The following ELL variants were observed in gnomAD, a reference collection of about 807,000 sequenced individuals.
ELL encodes the protein RNA polymerase II elongation factor ELL.
ELL carries 18 observed loss-of-function variants against 64.0 expected under a neutral mutation model. The ratio of observed to expected loss-of-function variants is 0.28; its 90% CI spans 0.19 to 0.42. The LOEUF (loss-of-function observed/expected upper bound fraction) is 0.42, where lower values mean the gene tolerates loss of function less well. Ranked by LOEUF, ELL falls within the 10% of genes least tolerant of loss-of-function variation. The probability of loss-of-function intolerance (pLI) is 1.00; values close to 1 mark genes in which losing one functional copy is unlikely to be tolerated. For synonymous variants in ELL, 399 were observed against 376.2 expected (o/e 1.06, Z -0.70); for missense variants, 797 against 870.4 (o/e 0.92, Z 1.06).
chr19:18,510,860 A>G (rs10418331), intron 1 of ELL, among the ~76,000 whole-genome samples: 48,461 of 151,990 alleles, frequency 0.32, 9,664 homozygotes, highest in African/African-American at 0.57. Context: ...AGTGTCTCAC[A>G]CCTCTAATCC....
At chr19:18,494,144 T>C (rs1975594094) in intron 1 of ELL, among the ~76,000 whole-genome samples, 1 of 152,086 alleles carries the variant, frequency 6.6e-6, no homozygotes, top group Non-Finnish European at 1.5e-5. Flanking sequence ...GGAGGATCGT[T>C]TGAGCCCAGG....
chr19:18,492,593 C>T (rs1030228170), intron 1 of ELL, among the ~76,000 whole-genome samples: 1 of 152,202 alleles, frequency 6.6e-6, no homozygotes, highest in Admixed American at 6.5e-5. Context: ...TTAAAAGAGT[C>T]AATCTGTTAC....
Position 18,442,676 on chromosome 19 carries a change from AATTT to A in ELL, c.*2072_*2075del, listed in dbSNP as rs1974319935. The A allele has an allele frequency of 5.4e-6, 1 of 185,480 alleles. No homozygotes were observed. The highest frequency in any genetic ancestry group is 1.1e-5 in the Non-Finnish European group (1 of 87,790). 11.5% of individuals were successfully genotyped at this position (185,480 alleles called of 1,614,324 possible). On this transcript the variant is annotated 3_prime_UTR_variant, in exon 12 of 12. Transcript: ENST00000262809. The stretch of plus-strand genomic sequence containing the variant: ...TGGGCTGCCAGGTTCAGTTCAGTGA[AATTT>A]ATTGGAGAATGAAAAAAGTCAGCAT...
chr19:18,480,877 G>A (rs1007084427), intron 1 of ELL, among the ~76,000 whole-genome samples: 4 of 152,176 alleles, frequency 2.6e-5, no homozygotes, highest in Non-Finnish European at 5.9e-5. Flanking sequence ...CAAGCAACTC[G>A]ACAGACTCAG....
intron 4 of ELL, 123 bp downstream of exon 4, chr19:18,465,289 C>T: frequency 7.3e-7 from 1 of 1,362,500 alleles, no homozygotes; most frequent in South Asian, 1.5e-5. Context: ...GGGACCGACT[C>T]CTCGGTTGAC....
At chr19:18,462,982 A>G (rs1974858652) in intron 4 of ELL, among the ~76,000 whole-genome samples, 1 of 152,190 alleles carries the variant, frequency 6.6e-6, no homozygotes, top group Non-Finnish European at 1.5e-5. Context: ...AGACGTGGGC[A>G]GGGTCCAGCA....
chr19:18,447,387 T>C (rs1041069960), intron 8 of ELL, among the ~76,000 whole-genome samples: 3 of 152,240 alleles, frequency 2.0e-5, no homozygotes, highest in Admixed American at 6.5e-5. Flanking sequence ...ATCCCGTCCT[T>C]TCCACTAGAC....
intron 1 of ELL, among the ~76,000 whole-genome samples, chr19:18,487,030 C>T (rs1016135977): frequency 9.2e-5 from 14 of 152,352 alleles, no homozygotes; most frequent in African/African-American, 3.1e-4. Context: ...ACCTCCGATG[C>T]TTCCACCACC....
At chr19:18,495,567 C>A (rs1450042544) in intron 1 of ELL, among the ~76,000 whole-genome samples, 1 of 152,150 alleles carries the variant, frequency 6.6e-6, no homozygotes, top group Non-Finnish European at 1.5e-5. Flanking sequence ...GGGTGCCCAG[C>A]TCCCACTGCA....
chr19:18,487,558 G>C (rs1227428724), intron 1 of ELL, among the ~76,000 whole-genome samples: 6 of 152,218 alleles, frequency 3.9e-5, no homozygotes, highest in African/African-American at 1.2e-4. Flanking sequence ...AACCTGATGT[G>C]GCCACGGCCA....
At position 18,443,225 on chromosome 19, in the gene ELL, A is replaced by G. The variant is rs1025658368; in HGVS notation, c.*1527T>C. Reference sequence around the variant, plus strand: ...CCGGCCCGGCCCAAAGAGAAAAACAACAACAGCTATTGAAACATGAAGGAT... The same window carrying G: ...CCGGCCCGGCCCAAAGAGAAAAACAGCAACAGCTATTGAAACATGAAGGAT... On this transcript the variant is annotated 3_prime_UTR_variant, in exon 12 of 12. Coordinates refer to ENST00000262809, the MANE Select transcript of ELL (RefSeq NM_006532.4). The G allele has an allele frequency of 5.6e-5, 13 of 231,764 alleles. No individual in the cohort carries two copies. The highest frequency in any genetic ancestry group is 5.1e-4 in the Admixed American group (9 of 17,728). The allele number at this position is 231,764 out of a possible 1,614,324, so 14.4% of individuals were successfully genotyped here. A position where few individuals can be genotyped will look rare whatever the true frequency, so the allele number is the denominator to read the frequency against.
intron 6 of ELL, among the ~76,000 whole-genome samples, chr19:18,453,157 T>C (rs1259214078): frequency 6.6e-6 from 1 of 152,036 alleles, no homozygotes; most frequent in Non-Finnish European, 1.5e-5. Flanking sequence ...ACCTGTAACC[T>C]CAATTACTTG....
chr19:18,449,141 C>T lies in ELL; in HGVS notation c.1465+1336G>A, dbSNP rs1187534472. 6.6e-6 allele frequency among the ~76,000 whole-genome samples: 1 copy of T among 152,096 alleles called. No individual in the cohort carries two copies. The highest frequency in any genetic ancestry group is 6.5e-5 in the Admixed American group (1 of 15,286). On this transcript the variant is annotated intron_variant, in intron 8 of 11. Transcript: ENST00000262809. This position sits in a 1 kb window ranked among gnomAD's most constrained non-coding sequence, Gnocchi z 4.4. ...GAACTGCCTAGGGGCCAACACGCAC[C>T]AGGCCAGACAGGAAACCACCTTGAG... is the stretch of plus-strand genomic sequence containing the variant.
chr19:18,455,453 G>A (rs1214601214), intron 6 of ELL, among the ~76,000 whole-genome samples: 1 of 149,464 alleles, frequency 6.7e-6, no homozygotes, highest in African/African-American at 2.5e-5. Context: ...TCATGCCACT[G>A]CACTCCAGCC....
At chr19:18,470,966 T>C (rs1445305967) in intron 2 of ELL, 2 of 456,480 alleles carry the variant, frequency 4.4e-6, no homozygotes, top group East Asian at 6.9e-5. Flanking sequence ...TGCAGAACCC[T>C]GGGCTGCACC....
chr19:18,490,399 C>T lies in ELL; in HGVS notation c.136-17517G>A, dbSNP rs1343295992. 1.3e-4 allele frequency among the ~76,000 whole-genome samples: 20 copies of T among 152,150 alleles called. 1 individual carries two copies. Among genetic ancestry groups the T allele is most frequent in the Admixed American group, 1.3e-3 (20 of 15,276 alleles). On this transcript the variant is annotated intron_variant, in intron 1 of 11. Transcript: ENST00000262809. ...TTTATTATTAATATGACACTTCAAG[C>T]CACCGTCTGTCTCCCAGGTCATTGC...
chr19:18,496,454 T>C (rs1975654838), intron 1 of ELL, among the ~76,000 whole-genome samples: 1 of 152,034 alleles, frequency 6.6e-6, no homozygotes, highest in Non-Finnish European at 1.5e-5. Context: ...GTGCTTCCTC[T>C]ACTTCCTGTG....
rs950473456 is a variant in ELL at position 18,444,654 on chromosome 19, G to A, written c.*98C>T. ...CCTGAAAGCCGGCGGTGCTGGCTCA[G>A]ATGAGCATCTTCCTCGGGTTTATTT... On this transcript the variant is annotated 3_prime_UTR_variant, in exon 12 of 12. Coordinates refer to ENST00000262809, the MANE Select transcript of ELL (RefSeq NM_006532.4). 46 of 1,336,902 alleles carry A rather than the reference G, an allele frequency of 3.4e-5. No homozygotes were observed. Among genetic ancestry groups the A allele is most frequent in the Non-Finnish European group, 4.3e-5 (42 of 980,352 alleles). 82.8% of individuals were successfully genotyped at this position (1,336,902 alleles called of 1,614,324 possible).
intron 1 of ELL, among the ~76,000 whole-genome samples, chr19:18,485,018 G>A (rs1330627090): frequency 6.6e-6 from 1 of 152,286 alleles, no homozygotes; most frequent in African/African-American, 2.4e-5. Flanking sequence ...CTAGCCCTGG[G>A]TTCCTGACGT....
Sources: gnomAD v4.1 joint callset for allele counts (sites outside exome capture counted in the v4.1 genomes callset) on GRCh38, gnomAD v4.1.1 for gene constraint, Gnocchi (gnomAD v3.1) non-coding constraint, MANE v1.5 for transcripts, NCBI Gene and HGNC (gene_info 2026-07-23, HGNC 2026-07-21) for gene names.